DLG2: variants seen among roughly 807,000 people sequenced by gnomAD.
DLG2 encodes discs large MAGUK scaffold protein 2, also known as disks large homolog 2.
DLG2 carries 45 observed loss-of-function variants against 132.5 expected under a neutral mutation model. The ratio of observed to expected loss-of-function variants is 0.34; its 90% confidence interval spans 0.27 to 0.44. The LOEUF (loss-of-function observed/expected upper bound fraction) is 0.44, where lower values mean the gene tolerates loss of function less well. Ranked by LOEUF, DLG2 falls within the 20% of genes least tolerant of loss-of-function variation. DLG2 has a pLI of 1.00. For missense variants in DLG2, 1,045 were observed against 1,196.9 expected (o/e 0.87, Z 1.87); for synonymous variants, 424 against 419.6 (o/e 1.01, Z -0.13).
intron 6 of DLG2, among the ~76,000 whole-genome samples, chr11:84,845,548 C>G (rs1298847991): frequency 6.6e-6 from 1 of 152,046 alleles, no homozygotes; most frequent in African/African-American, 2.4e-5. Flanking sequence ...ATGTCCTTAT[C>G]TTATAGATCA....
At chr11:85,552,942 G>T (rs967502248) in intron 3 of DLG2, among the ~76,000 whole-genome samples, 2 of 151,416 alleles carry the variant, frequency 1.3e-5, no homozygotes, top group African/African-American at 4.8e-5. Context: ...AAATTAAAAA[G>T]AAATCCACAC....
At chr11:83,791,305 C>A (rs1451208770) in intron 17 of DLG2, 2 of 677,386 alleles carry the variant, frequency 3.0e-6, no homozygotes, top group African/African-American at 3.6e-5. Flanking sequence ...GCCCGCCTTG[C>A]CTTTTGGCTT....
At chr11:85,264,087 C>T (rs920808704) in intron 4 of DLG2, among the ~76,000 whole-genome samples, 4 of 152,096 alleles carry the variant, frequency 2.6e-5, no homozygotes, top group African/African-American at 9.7e-5. Flanking sequence ...GTTGTGCCAA[C>T]AGGTTTGTGG....
At chr11:84,876,680 C>T (rs1216430721) in intron 6 of DLG2, among the ~76,000 whole-genome samples, 1 of 152,118 alleles carries the variant, frequency 6.6e-6, no homozygotes, top group Non-Finnish European at 1.5e-5. Flanking sequence ...GTCTCTATCT[C>T]CTTCAGTTCT....
intron 6 of DLG2, among the ~76,000 whole-genome samples, chr11:84,880,879 A>C (rs1447939401): frequency 1.3e-5 from 2 of 152,152 alleles, no homozygotes; most frequent in Non-Finnish European, 2.9e-5. Flanking sequence ...TTAAGGAAAT[A>C]AATCATTCAT....
chr11:84,496,812 C>T (rs1475736408), intron 7 of DLG2, among the ~76,000 whole-genome samples: 8 of 152,076 alleles, frequency 5.3e-5, no homozygotes, highest in Non-Finnish European at 1.2e-4. Flanking sequence ...TGAAATGTGA[C>T]TTTAATTAGC....
intron 18 of DLG2, among the ~76,000 whole-genome samples, chr11:83,691,787 C>A (rs963802778): frequency 6.6e-6 from 1 of 152,104 alleles, no homozygotes; most frequent in Non-Finnish European, 1.5e-5. Flanking sequence ...TGGGTTGTAA[C>A]GTGGATACCG....
chr11:83,964,961 A>G (rs1362925443), intron 13 of DLG2, among the ~76,000 whole-genome samples: 4 of 152,138 alleles, frequency 2.6e-5, no homozygotes, highest in South Asian at 4.1e-4. Context: ...CTCTTTTCTA[A>G]TCTACTACTA....
intron 7 of DLG2, among the ~76,000 whole-genome samples, chr11:84,525,218 C>A (rs933768575): frequency 6.6e-6 from 1 of 152,094 alleles, no homozygotes; most frequent in Non-Finnish European, 1.5e-5. Context: ...TTTTCTAGAT[C>A]AGATCTTTAT....
At chr11:83,587,654 G>A (rs1023613148) in intron 19 of DLG2, among the ~76,000 whole-genome samples, 2 of 152,288 alleles carry the variant, frequency 1.3e-5, no homozygotes, top group Admixed American at 1.3e-4. Flanking sequence ...GAGAGGAATA[G>A]GAACAGCTCC....
chr11:83,771,953 T>A (rs1437555723), intron 18 of DLG2, among the ~76,000 whole-genome samples: 2 of 152,210 alleles, frequency 1.3e-5, no homozygotes, highest in Admixed American at 6.5e-5. Context: ...TGATTTCATA[T>A]CCCTTTAGAT....
intron 7 of DLG2, among the ~76,000 whole-genome samples, chr11:84,278,471 CATT>C (rs2097809517): frequency 1.7e-4 from 1 of 6,024 alleles, no homozygotes. Flanking sequence ...CTTTCCAGAT[CATT>C]TTTTTTTTTT....
chr11:85,495,006 A>C (rs1053305910), intron 3 of DLG2, among the ~76,000 whole-genome samples: 2 of 152,170 alleles, frequency 1.3e-5, no homozygotes, highest in Non-Finnish European at 2.9e-5. Context: ...AATAAGGAAA[A>C]GACAACCTGT....
chr11:84,899,746 T>C (rs150553677), intron 6 of DLG2, among the ~76,000 whole-genome samples: 1 of 152,162 alleles, frequency 6.6e-6, no homozygotes, highest in Non-Finnish European at 1.5e-5. Context: ...CATAAAGAAT[T>C]GTCTGTGTGT....
chr11:85,617,332 C>T (rs1178941965), intron 2 of DLG2, among the ~76,000 whole-genome samples: 1 of 152,210 alleles, frequency 6.6e-6, no homozygotes, highest in Non-Finnish European at 1.5e-5. Context: ...CCATTTCCCA[C>T]ATTGTCTGGT....
chr11:83,506,917 T>G (rs2094732101), intron 21 of DLG2, among the ~76,000 whole-genome samples: 1 of 152,156 alleles, frequency 6.6e-6, no homozygotes, highest in African/African-American at 2.4e-5. Context: ...TTTCCACAAT[T>G]TCATCTTTCA....
chr11:85,410,825 C>T (rs1452640725), intron 3 of DLG2, among the ~76,000 whole-genome samples: 3 of 151,778 alleles, frequency 2.0e-5, no homozygotes, highest in Non-Finnish European at 4.4e-5. Flanking sequence ...AACAGATTTG[C>T]ACATACTTTA....
intron 4 of DLG2, among the ~76,000 whole-genome samples, chr11:85,163,210 C>CACACACACACACAG (rs2078172170): frequency 6.7e-6 from 1 of 149,836 alleles, no homozygotes; most frequent in Non-Finnish European, 1.5e-5. Flanking sequence ...ATATATTACA[C>CACACACACACACAG]ACACACACAC....
At chr11:85,268,807 A>G (rs1288273559) in intron 4 of DLG2, among the ~76,000 whole-genome samples, 1 of 152,240 alleles carries the variant, frequency 6.6e-6, no homozygotes, top group Non-Finnish European at 1.5e-5. Flanking sequence ...CCTACAACAG[A>G]TAAATACTTG....
Sources: gnomAD v4.1 joint callset for allele counts (sites outside exome capture counted in the v4.1 genomes callset) on GRCh38, gnomAD v4.1.1 for gene constraint, MANE v1.5 for transcripts, NCBI Gene and HGNC (gene_info 2026-07-23, HGNC 2026-07-21) for gene names.